The following DCAF5 variants were observed in gnomAD, a reference collection of about 807,000 sequenced individuals.
DCAF5 encodes the protein DDB1- and CUL4-associated factor 5.
In DCAF5, 9 loss-of-function variants were observed where a neutral mutation model predicts 80.7. That is an observed-to-expected ratio of 0.11 (90% CI 0.07 to 0.19). The LOEUF (loss-of-function observed/expected upper bound fraction) is 0.19, where lower values mean the gene tolerates loss of function less well. DCAF5 is among the 10% of genes least tolerant of loss of function. The pLI, the probability that DCAF5 is intolerant of heterozygous loss-of-function variation, is 1.00. For synonymous variants in DCAF5, 433 were observed against 461.9 expected (o/e 0.94, Z 0.80); for missense variants, 842 against 1,205.7 (o/e 0.70, Z 4.47).
intron 1 of DCAF5, among the ~76,000 whole-genome samples, chr14:69,146,409 T>C (rs977356191): frequency 6.6e-6 from 1 of 152,164 alleles, no homozygotes; most frequent in African/African-American, 2.4e-5. Flanking sequence ...GTAGGACAAA[T>C]AATGTGTATC....
intron 5 of DCAF5, among the ~76,000 whole-genome samples, chr14:69,103,370 G>A (rs1238910793): frequency 6.6e-6 from 1 of 152,172 alleles, no homozygotes; most frequent in Middle Eastern, 3.2e-3. Flanking sequence ...AGTCAGAGGG[G>A]GCGTTAGCCT....
chr14:69,134,223 A>G (rs1034394843), intron 1 of DCAF5, among the ~76,000 whole-genome samples: 5 of 152,210 alleles, frequency 3.3e-5, no homozygotes, highest in African/African-American at 1.2e-4. Flanking sequence ...TGCTCTTCCT[A>G]AAGTGTGGAA....
At chr14:69,082,569 G>C (rs536232346) in intron 6 of DCAF5, among the ~76,000 whole-genome samples, 2 of 152,312 alleles carry the variant, frequency 1.3e-5, no homozygotes, top group East Asian at 3.9e-4. Flanking sequence ...AAAGTGGCCA[G>C]CGTTACTTAA....
intron 5 of DCAF5, among the ~76,000 whole-genome samples, chr14:69,102,236 G>A (rs1404984666): frequency 6.6e-6 from 1 of 151,260 alleles, no homozygotes; most frequent in African/African-American, 2.4e-5. Flanking sequence ...AGCCTCCTGA[G>A]CAGCTGGGAT....
chr14:69,127,111 G>A (rs971810451), intron 1 of DCAF5, among the ~76,000 whole-genome samples: 6 of 152,144 alleles, frequency 3.9e-5, no homozygotes, highest in South Asian at 2.1e-4. Flanking sequence ...CTCTTATCAC[G>A]CAATCCAGCA....
chr14:69,082,685 G>C (rs2039159138), intron 6 of DCAF5, among the ~76,000 whole-genome samples: 1 of 152,140 alleles, frequency 6.6e-6, no homozygotes, highest in Non-Finnish European at 1.5e-5. Context: ...GTGAGGACTG[G>C]GGAGTGAGGA....
rs1444777125 is a variant in DCAF5, at chr14:69,153,117, T to C, written c.-139A>G. On this transcript the variant is annotated 5_prime_UTR_variant, in exon 1 of 9. Coordinates refer to ENST00000341516, the MANE Select transcript of DCAF5 (RefSeq NM_003861.3). ...ACCAGCCATGGCAGGCAGAGCGAGG[T>C]GTGCAGACACTCGGCGGCGTTCGCG... 4.8e-6 allele frequency: 3 copies of C among 623,568 alleles called. No homozygotes were observed. Among genetic ancestry groups the C allele is most frequent in the Non-Finnish European group, 7.4e-6 (3 of 405,516 alleles). 38.6% of individuals were successfully genotyped at this position (623,568 alleles called of 1,614,324 possible).
At chr14:69,106,988 G>A (rs1271222955) in intron 5 of DCAF5, among the ~76,000 whole-genome samples, 2 of 152,154 alleles carry the variant, frequency 1.3e-5, no homozygotes, top group South Asian at 2.1e-4. Context: ...GCTGCAGTGA[G>A]CCGAGATTGC....
At chr14:69,099,133 T>C (rs374211495) in intron 5 of DCAF5, among the ~76,000 whole-genome samples, 46 of 151,618 alleles carry the variant, frequency 3.0e-4, no homozygotes, top group East Asian at 2.0e-3. Context: ...ACACCTGTAG[T>C]ATCAGCTACT....
chr14:69,055,516 G>A lies in DCAF5; in HGVS notation c.1170C>T (p.Ile390=), dbSNP rs749818069. 11 of 1,614,232 alleles carry A rather than the reference G, an allele frequency of 6.8e-6. No individual in the cohort carries two copies. Among genetic ancestry groups the A allele is most frequent in the Non-Finnish European group, 8.5e-6 (10 of 1,180,036 alleles). Residue 390 remains isoleucine, a synonymous_variant, in exon 9 of 9, where the codon ATC becomes ATT. Transcript: ENST00000341516. The surrounding 1 kb of genome is among the most constrained non-coding windows in gnomAD (Gnocchi z 5.6). ...CACTCCCACTGTTCAGCACAAGGCT[G>A]ATGTACTCTTCATGGGTATAGAGGC... The part of the protein sequence containing the change: ...SRCLYTHEEY[I]SLVLNSGSGL...
At chr14:69,137,834 GTATAA>G (rs1246076179) in intron 1 of DCAF5, among the ~76,000 whole-genome samples, 2 of 152,118 alleles carry the variant, frequency 1.3e-5, no homozygotes, top group Non-Finnish European at 2.9e-5. Context: ...TTTTATTACA[GTATAA>G]TATTATAATT....
At chr14:69,085,409 C>A (rs1172700567) in intron 6 of DCAF5, 3 of 524,476 alleles carry the variant, frequency 5.7e-6, no homozygotes, top group South Asian at 1.8e-5. Flanking sequence ...TTTCTTTCAT[C>A]TTGAATAACT....
intron 5 of DCAF5, among the ~76,000 whole-genome samples, chr14:69,101,532 G>GGT: frequency 6.6e-6 from 1 of 152,152 alleles, no homozygotes; most frequent in East Asian, 1.9e-4. Flanking sequence ...AAAAACCTAA[G>GGT]CTGACGCAAC....
intron 7 of DCAF5, among the ~76,000 whole-genome samples, chr14:69,068,476 A>C (rs1415948371): frequency 6.6e-6 from 1 of 152,200 alleles, no homozygotes; most frequent in East Asian, 1.9e-4. Flanking sequence ...AGGCAGGAGG[A>C]TCACCTGAGG....
rs1428343979 is a variant in DCAF5, at chr14:69,055,600, T to C, written c.1086A>G (p.Pro362=). 6 of 1,601,072 alleles carry C rather than the reference T, an allele frequency of 3.7e-6. No individual in the cohort carries two copies. Among genetic ancestry groups the C allele is most frequent in the East Asian group, 4.5e-5 (2 of 44,480 alleles). Residue 362 remains proline (P), a synonymous_variant, in exon 9 of 9, where the codon CCA becomes CCG. Coordinates refer to ENST00000341516, the MANE Select transcript of DCAF5 (RefSeq NM_003861.3). The surrounding 1 kb of genome is among the most constrained non-coding windows in gnomAD (Gnocchi z 5.6). ...CTCCAGTACATCCTGGCTGCTTGTATGGGCTCCAGATCTGAACAGAAAATG... is the reference window on the plus strand; with the variant it reads ...CTCCAGTACATCCTGGCTGCTTGTACGGGCTCCAGATCTGAACAGAAAATG... ...GVEKIIKIWS[P]YKQPGCTGDL...
chr14:69,064,893 G>A (rs1030586657), intron 7 of DCAF5, among the ~76,000 whole-genome samples: 3 of 152,170 alleles, frequency 2.0e-5, no homozygotes, highest in Admixed American at 6.5e-5. Flanking sequence ...TTTAGAATAA[G>A]TATGTCAAAA....
At chr14:69,085,901 G>A (rs1479404399) in intron 6 of DCAF5, among the ~76,000 whole-genome samples, 1 of 152,176 alleles carries the variant, frequency 6.6e-6, no homozygotes, top group Non-Finnish European at 1.5e-5. Context: ...AACACAGTGG[G>A]CAGCATGCCT....
intron 5 of DCAF5, among the ~76,000 whole-genome samples, chr14:69,107,402 T>G (rs535943651): frequency 1.3e-5 from 2 of 152,290 alleles, no homozygotes; most frequent in East Asian, 3.9e-4. Context: ...CCTTGGGTAT[T>G]TGCTAAATAA....
intron 1 of DCAF5, among the ~76,000 whole-genome samples, chr14:69,133,456 T>C (rs1027684391): frequency 2.6e-5 from 4 of 152,182 alleles, no homozygotes; most frequent in Non-Finnish European, 5.9e-5. Context: ...TCCCAATTTT[T>C]GGCCCAGGGA....
Sources: gnomAD v4.1 joint callset for allele counts (sites outside exome capture counted in the v4.1 genomes callset) on GRCh38, gnomAD v4.1.1 for gene constraint, Gnocchi (gnomAD v3.1) non-coding constraint, MANE v1.5 for transcripts, NCBI Gene and HGNC (gene_info 2026-07-23, HGNC 2026-07-21) for gene names.